BAHCC1: variants seen among roughly 807,000 people sequenced by gnomAD.
BAHCC1 encodes BAH domain and coiled-coil containing 1.
In BAHCC1, 43 loss-of-function variants were observed where a neutral mutation model predicts 88.2. The ratio of observed to expected loss-of-function variants is 0.49; its 90% CI spans 0.38 to 0.63. The LOEUF (loss-of-function observed/expected upper bound fraction) is 0.63. BAHCC1 is among the 20% of genes least tolerant of loss of function. The pLI, the probability that BAHCC1 is intolerant of heterozygous loss-of-function variation, is 0.00. For missense variants in BAHCC1, 3,023 were observed against 1,654.8 expected (o/e 1.83, Z -14.34); for synonymous variants, 1,510 against 745.5 (o/e 2.03, Z -16.71).
intron 2 of BAHCC1, chr17:81,407,328 C>T: frequency 1.9e-6 from 1 of 519,928 alleles, no homozygotes; most frequent in Non-Finnish European, 3.8e-6. Flanking sequence ...AAGCCTTAGC[C>T]ATATTAAGTA....
intron 3 of BAHCC1, among the ~76,000 whole-genome samples, chr17:81,436,596 G>A (rs569387604): frequency 2.6e-3 from 221 of 84,484 alleles, no homozygotes; most frequent in African/African-American, 9.4e-3. Flanking sequence ...CCCTACCCCC[G>A]CCCCAGGTCG....
intron 2 of BAHCC1, among the ~76,000 whole-genome samples, chr17:81,418,812 T>TGTGTGTGTGTGTAC (rs2064075096): frequency 0.019 from 122 of 6,502 alleles, no homozygotes; most frequent in Middle Eastern, 0.1. Flanking sequence ...TGTGTGTACG[T>TGTGTGTGTGTGTAC]GTGTGTGTGT....
At chr17:81,413,982 A>C (rs2063988102) in intron 2 of BAHCC1, among the ~76,000 whole-genome samples, 1 of 152,214 alleles carries the variant, frequency 6.6e-6, no homozygotes, top group African/African-American at 2.4e-5. Context: ...TGACGCTGGC[A>C]GCCCACCTGG....
chr17:81,430,561 C>T (rs1360137786), intron 3 of BAHCC1, among the ~76,000 whole-genome samples: 4 of 152,232 alleles, frequency 2.6e-5, no homozygotes, highest in African/African-American at 9.6e-5. Context: ...TCCTCTGTCC[C>T]CTTCGTCCCC....
intron 3 of BAHCC1, among the ~76,000 whole-genome samples, chr17:81,427,748 C>T (rs1381378883): frequency 2.6e-5 from 4 of 152,182 alleles, no homozygotes; most frequent in Admixed American, 2.6e-4. Flanking sequence ...GCGGCTGGCA[C>T]GCAGAGAGGT....
At chr17:81,444,336 C>G (rs377741703) in intron 6 of BAHCC1, 45 bp from the exon 7 acceptor site, 121 of 707,220 alleles carry the variant, frequency 1.7e-4, no homozygotes, top group African/African-American at 1.6e-3. Context: ...GGATGGGGAG[C>G]TGGGCCTTGG....
chr17:81,444,218 G>A (rs572273605), intron 6 of BAHCC1, 163 bp from the exon 7 acceptor site: 17 of 611,508 alleles, frequency 2.8e-5, no homozygotes, highest in African/African-American at 2.2e-4. Flanking sequence ...TCCAGGTCCC[G>A]TTCTCCCTCC....
Position 81,412,698 on chromosome 17 carries a change from C to T in BAHCC1, c.178+12781C>T, listed in dbSNP as rs201897704. Among the ~76,000 whole-genome samples, 564 of 152,378 alleles carry T rather than the reference C, an allele frequency of 3.7e-3. 5 individuals carry two copies. Among genetic ancestry groups the T allele is most frequent in the African/African-American group, 0.013 (541 of 41,592 alleles). ...CCCCGTCCGCGCCCCCCGCCCCACC[C>T]TGTGGCTCTGTCTCTTCCCTGCATG... On this transcript the variant is annotated intron_variant, in intron 2 of 27. Transcript: ENST00000675386.
At chr17:81,418,796 CGT>C (rs539655672) in intron 2 of BAHCC1, among the ~76,000 whole-genome samples, 10 of 144,798 alleles carry the variant, frequency 6.9e-5, no homozygotes, top group South Asian at 2.2e-4. Flanking sequence ...TACGTGTGTG[CGT>C]GTGTGTGTGT....
rs1035588776 is a variant in BAHCC1, at chr17:81,465,488, G to T, written c.*1671G>T. On this transcript the variant is annotated 3_prime_UTR_variant, in exon 28 of 28. Coordinates refer to ENST00000675386, the MANE Select transcript of BAHCC1 (RefSeq NM_001377448.1). Reference sequence around the variant, plus strand: ...CCCAACAGCCTTCAGCCTCAGAAACGCATGGGGGGCCACACACTCCTTATA... The same window carrying T: ...CCCAACAGCCTTCAGCCTCAGAAACTCATGGGGGGCCACACACTCCTTATA... The T allele has an allele frequency of 6.6e-6, 1 of 152,294 alleles. No homozygotes were observed. The highest frequency in any genetic ancestry group is 1.5e-5 in the Non-Finnish European group (1 of 68,130). 9.4% of individuals were successfully genotyped at this position (152,294 alleles called of 1,614,324 possible). A position where few individuals can be genotyped will look rare whatever the true frequency, so the allele number is the denominator to read the frequency against.
chr17:81,417,340 C>T (rs886414146), intron 2 of BAHCC1, among the ~76,000 whole-genome samples: 12 of 152,252 alleles, frequency 7.9e-5, no homozygotes, highest in Middle Eastern at 3.4e-3. Flanking sequence ...CCCCACAGCC[C>T]TCCAGAGTGT....
intron 2 of BAHCC1, among the ~76,000 whole-genome samples, chr17:81,406,233 C>G (rs1264246385): frequency 2.6e-5 from 4 of 152,084 alleles, no homozygotes; most frequent in Non-Finnish European, 5.9e-5. Context: ...CCCTTGGCTC[C>G]TGGACAGCCT....
chr17:81,458,320 C>A lies in BAHCC1; in HGVS notation c.5197C>A (p.Arg1733=). 1.3e-6 allele frequency: 1 copy of A among 743,496 alleles called. No homozygotes were observed. 46.1% of individuals were successfully genotyped at this position (743,496 alleles called of 1,614,324 possible). A position where few individuals can be genotyped will look rare whatever the true frequency, so the allele number is the denominator to read the frequency against. ...CAAGGGCAAGGCCAAGGGCAGCCTG[C>A]GGGCAGAGCCGGGGGCCACCCCCAG... The part of the protein sequence containing the change: ...KAKGKAKGSL[R]AEPGATPSRD... Residue 1733 remains arginine (R), a synonymous_variant, in exon 18 of 28, where the codon CGG becomes AGG. Coordinates refer to ENST00000675386, the MANE Select transcript of BAHCC1 (RefSeq NM_001377448.1).
rs1555645631 is a variant in BAHCC1, at chr17:81,399,636, AC to A, written c.-100del. 2 of 772,578 alleles carry A rather than the reference AC, an allele frequency of 2.6e-6. No homozygotes were observed. The highest frequency in any genetic ancestry group is 2.2e-5 in the South Asian group (1 of 45,912). The allele number at this position is 772,578 out of a possible 1,614,324, so 47.9% of individuals were successfully genotyped here. A position where few individuals can be genotyped will look rare whatever the true frequency, so the allele number is the denominator to read the frequency against. The stretch of plus-strand genomic sequence containing the variant: ...GGCCCCGCCGCCACCACCGCCTGTG[AC>A]CCCGGACGCCGCCGCCTCTGCGCCG... On this transcript the variant is annotated 5_prime_UTR_variant, in exon 2 of 28. Transcript: ENST00000675386. The surrounding 1 kb of genome is among the most constrained non-coding windows in gnomAD (Gnocchi z 4.5).
intron 2 of BAHCC1, among the ~76,000 whole-genome samples, chr17:81,418,731 C>G (rs1457242579): frequency 6.7e-6 from 1 of 149,740 alleles, no homozygotes; most frequent in Admixed American, 6.6e-5. Flanking sequence ...CAGAGTCTGC[C>G]AAGGTGCGCA....
In BAHCC1 at chr17:81,434,656, C is replaced by T. The variant is rs77006198; in HGVS notation, c.359-3714C>T. Among the ~76,000 whole-genome samples, 2,171 of 152,122 alleles carry T rather than the reference C, an allele frequency of 0.014. 52 individuals are homozygous for T. Among genetic ancestry groups the T allele is most frequent in the African/African-American group, 0.049 (2,041 of 41,476 alleles). ...GGCGTCCCTCCCTCCTAGACCTGGCCGTGAAGATACCCCAAGTTCAGCATC... is the reference window on the plus strand; with the variant it reads ...GGCGTCCCTCCCTCCTAGACCTGGCTGTGAAGATACCCCAAGTTCAGCATC... On this transcript the variant is annotated intron_variant, in intron 3 of 27. Transcript: ENST00000675386. This position sits in a 1 kb window ranked among gnomAD's most constrained non-coding sequence, Gnocchi z 4.9.
chr17:81,408,078 G>A (rs912240423), intron 2 of BAHCC1, among the ~76,000 whole-genome samples: 7 of 152,162 alleles, frequency 4.6e-5, no homozygotes, highest in African/African-American at 1.2e-4. Flanking sequence ...CGCCTTCCCC[G>A]GCCCCCTTCC....
At chr17:81,451,542 G>A (rs531372750) in intron 11 of BAHCC1, 126 bp from the exon 12 acceptor site, 8 of 608,666 alleles carry the variant, frequency 1.3e-5, no homozygotes, top group South Asian at 3.8e-5. Flanking sequence ...CACTCTTCCC[G>A]GTCTCCTGAC....
intron 11 of BAHCC1, 121 bp downstream of exon 11, chr17:81,447,969 A>T: frequency 1.5e-6 from 1 of 656,666 alleles, no homozygotes; most frequent in Non-Finnish European, 2.8e-6. Flanking sequence ...AAAGTGTGGT[A>T]GGTCCCCTGG....
Sources: gnomAD v4.1 joint callset for allele counts (sites outside exome capture counted in the v4.1 genomes callset) on GRCh38, gnomAD v4.1.1 for gene constraint, Gnocchi (gnomAD v3.1) non-coding constraint, MANE v1.5 for transcripts, NCBI Gene and HGNC (gene_info 2026-07-23, HGNC 2026-07-21) for gene names.